LRMDA: variants seen among roughly 807,000 people sequenced by gnomAD.
LRMDA encodes leucine rich melanocyte differentiation associated.
A neutral mutation model predicts 29.8 loss-of-function variants in LRMDA; 18 were observed. The ratio of observed to expected loss-of-function variants is 0.60; its 90% CI spans 0.42 to 0.90. The LOEUF (loss-of-function observed/expected upper bound fraction) is 0.90. Among genes scored for constraint, LRMDA ranks in the 40% least tolerant of loss-of-function variants. The pLI, the probability that LRMDA is intolerant of heterozygous loss-of-function variation, is 0.00. For synonymous variants in LRMDA, 125 were observed against 109.4 expected, an observed-to-expected ratio of 1.14 and a Z score of -0.89; for missense variants, 273 against 273.9, an observed-to-expected ratio of 1.00 and a Z score of 0.02.
chr10:76,505,586 T>C (rs1842951532), intron 6 of LRMDA, among the ~76,000 whole-genome samples: 1 of 152,156 alleles, frequency 6.6e-6, no homozygotes, highest in Admixed American at 6.6e-5. Context: ...GAAATTCTCA[T>C]AGTGAATTTT....
intron 2 of LRMDA, among the ~76,000 whole-genome samples, chr10:75,750,724 G>A: frequency 7.6e-6 from 1 of 132,184 alleles, no homozygotes; most frequent in Admixed American, 7.7e-5. Flanking sequence ...GACGGGGCGG[G>A]GGGGCAGAGG....
chr10:76,038,127 G>A (rs913996604), intron 3 of LRMDA, among the ~76,000 whole-genome samples: 11 of 152,152 alleles, frequency 7.2e-5, no homozygotes, highest in East Asian at 1.9e-4. Context: ...CCAGGTCTCC[G>A]TAGAATATTA....
At chr10:76,079,931 TG>T (rs1158086894) in intron 5 of LRMDA, among the ~76,000 whole-genome samples, 2 of 152,194 alleles carry the variant, frequency 1.3e-5, no homozygotes, top group Admixed American at 6.5e-5. Context: ...GCCTTCTGTC[TG>T]GGGTATCCGT....
chr10:76,078,527 C>T (rs1376871553), intron 5 of LRMDA, among the ~76,000 whole-genome samples: 1 of 151,832 alleles, frequency 6.6e-6, no homozygotes, highest in Non-Finnish European at 1.5e-5. Flanking sequence ...CTTTGCATTC[C>T]ACCAAACAGC....
intron 6 of LRMDA, among the ~76,000 whole-genome samples, chr10:76,551,535 A>G (rs1295988706): frequency 6.6e-6 from 1 of 152,206 alleles, no homozygotes; most frequent in African/African-American, 2.4e-5. Flanking sequence ...AGCCGTACAC[A>G]TTTGATAGAA....
intron 2 of LRMDA, among the ~76,000 whole-genome samples, chr10:75,816,023 A>G (rs1371338534): frequency 2.0e-5 from 3 of 152,206 alleles, no homozygotes; most frequent in African/African-American, 7.2e-5. Flanking sequence ...TGAATGAGAA[A>G]GTCAAGATCA....
At chr10:76,483,180 A>G (rs1842748599) in intron 6 of LRMDA, among the ~76,000 whole-genome samples, 3 of 151,878 alleles carry the variant, frequency 2.0e-5, no homozygotes, top group Non-Finnish European at 4.4e-5. Context: ...TTAATGGTGT[A>G]TTTTGATGAA....
chr10:76,221,476 T>C (rs1435331281), intron 5 of LRMDA, among the ~76,000 whole-genome samples: 2 of 151,898 alleles, frequency 1.3e-5, no homozygotes, highest in African/African-American at 2.4e-5. Context: ...TATACACCAA[T>C]AACAGACAGA....
At chr10:75,643,747 C>G (rs1358192887) in intron 2 of LRMDA, among the ~76,000 whole-genome samples, 1 of 152,106 alleles carries the variant, frequency 6.6e-6, no homozygotes, top group Non-Finnish European at 1.5e-5. Context: ...ATCCAATTTT[C>G]TTTAAAAAAA....
chr10:76,059,131 G>C (rs1848664540), intron 5 of LRMDA, among the ~76,000 whole-genome samples: 1 of 152,060 alleles, frequency 6.6e-6, no homozygotes, highest in South Asian at 2.1e-4. Flanking sequence ...GGGGTAGGGG[G>C]GATTCTTCTA....
intron 5 of LRMDA, among the ~76,000 whole-genome samples, chr10:76,259,148 A>G (rs1231040792): frequency 6.6e-6 from 1 of 152,102 alleles, no homozygotes; most frequent in Non-Finnish European, 1.5e-5. Flanking sequence ...CTTTTTGATA[A>G]TGGCCATTCT....
intron 2 of LRMDA, among the ~76,000 whole-genome samples, chr10:75,656,025 A>G (rs1327752883): frequency 2.0e-5 from 3 of 151,966 alleles, no homozygotes; most frequent in Admixed American, 2.0e-4. Flanking sequence ...TGGTTGCCTC[A>G]TTTCTTCCAT....
chr10:75,969,588 A>T (rs950718174), intron 2 of LRMDA, among the ~76,000 whole-genome samples: 1 of 152,178 alleles, frequency 6.6e-6, no homozygotes, highest in Non-Finnish European at 1.5e-5. Flanking sequence ...TATTATGATA[A>T]TTTTGCCATG....
intron 2 of LRMDA, among the ~76,000 whole-genome samples, chr10:75,979,277 T>C (rs963993077): frequency 6.6e-6 from 1 of 152,216 alleles, no homozygotes; most frequent in Non-Finnish European, 1.5e-5. Context: ...GGGTGGTACA[T>C]GCGTGACTGA....
intron 6 of LRMDA, among the ~76,000 whole-genome samples, chr10:76,343,343 C>T (rs960137804): frequency 1.3e-5 from 2 of 152,108 alleles, no homozygotes; most frequent in African/African-American, 2.4e-5. Flanking sequence ...ATACTCACTC[C>T]AATGTTAACT....
At chr10:75,856,922 T>C (rs1844837697) in intron 2 of LRMDA, among the ~76,000 whole-genome samples, 1 of 152,152 alleles carries the variant, frequency 6.6e-6, no homozygotes. Context: ...TGATTGTATA[T>C]TTAGAAAACC....
chr10:76,493,529 C>T (rs193217718), intron 6 of LRMDA, among the ~76,000 whole-genome samples: 20 of 152,124 alleles, frequency 1.3e-4, no homozygotes, highest in Admixed American at 6.5e-4. Flanking sequence ...CTTTGTAAAA[C>T]GGTATTCAAT....
At chr10:76,184,520 C>G (rs1295034880) in intron 5 of LRMDA, among the ~76,000 whole-genome samples, 1 of 152,176 alleles carries the variant, frequency 6.6e-6, no homozygotes, top group East Asian at 1.9e-4. Flanking sequence ...ATGCCTTGCC[C>G]TGTAGCTTTC....
chr10:75,620,865 T>C lies in LRMDA; in HGVS notation c.131+182371T>C, dbSNP rs138125840. 8.8e-3 allele frequency among the ~76,000 whole-genome samples: 1,335 copies of C among 152,320 alleles called. 43 individuals carry two copies. The highest frequency in any genetic ancestry group is 4.9e-3 in the Non-Finnish European group (331 of 68,032). On this transcript the variant is annotated intron_variant, in intron 2 of 6. Transcript: ENST00000611255. Reference sequence around the variant, plus strand: ...TAACTTTTTTATTTCAATAGGTTTTTGGCCAACAGGTGGTGTTTTGTTACA... The same window carrying C: ...TAACTTTTTTATTTCAATAGGTTTTCGGCCAACAGGTGGTGTTTTGTTACA...
Sources: allele counts gnomAD v4.1 joint callset (sites outside exome capture counted in the v4.1 genomes callset), GRCh38; gene constraint gnomAD v4.1.1; transcripts MANE v1.5; gene names NCBI Gene and HGNC (gene_info 2026-07-23, HGNC 2026-07-21).